The following GRIK2 variants were observed in gnomAD, a reference collection of about 807,000 sequenced individuals.
The protein encoded by GRIK2 is glutamate ionotropic receptor kainate type subunit 2, also known as glutamate receptor ionotropic, kainate 2.
A neutral mutation model predicts 100.3 loss-of-function variants in GRIK2; 32 were observed. The ratio of observed to expected loss-of-function variants is 0.32; its 90% CI spans 0.24 to 0.43. The LOEUF is 0.43. Among genes scored for constraint, GRIK2 ranks in the 20% least tolerant of loss-of-function variants. The pLI is 1.00. For missense variants in GRIK2, 843 were observed against 1,114.9 expected, an observed-to-expected ratio of 0.76 and a Z score of 3.47; for synonymous variants, 417 against 389.4, an observed-to-expected ratio of 1.07 and a Z score of -0.83.
At chr6:101,756,282 C>T (rs1390154685) in intron 7 of GRIK2, among the ~76,000 whole-genome samples, 1 of 151,726 alleles carries the variant, frequency 6.6e-6, no homozygotes, top group Admixed American at 6.6e-5. Flanking sequence ...TAATAAGAAC[C>T]AAGGGAGAAA....
chr6:101,488,567 G>C (rs1172019371), intron 2 of GRIK2, among the ~76,000 whole-genome samples: 2 of 146,518 alleles, frequency 1.4e-5, no homozygotes, highest in African/African-American at 5.2e-5. Flanking sequence ...TTGATCGATA[G>C]ATGGATGTCT....
At chr6:102,052,730 T>C (rs1015456431) in intron 15 of GRIK2, among the ~76,000 whole-genome samples, 1 of 152,286 alleles carries the variant, frequency 6.6e-6, no homozygotes, top group East Asian at 1.9e-4. Flanking sequence ...TTTTCTATAT[T>C]TGAAAGTCTA....
chr6:101,951,115 A>G (rs989943612), intron 14 of GRIK2, among the ~76,000 whole-genome samples: 2 of 152,208 alleles, frequency 1.3e-5, no homozygotes, highest in African/African-American at 4.8e-5. Flanking sequence ...GTTAGTAGAG[A>G]AATCATTGAG....
chr6:101,482,000 A>T (rs1488575735), intron 2 of GRIK2, among the ~76,000 whole-genome samples: 1 of 152,170 alleles, frequency 6.6e-6, no homozygotes, highest in African/African-American at 2.4e-5. Context: ...ACCTTGCACC[A>T]TGAATGTAAG....
chr6:101,892,064 GT>G (rs1046261616), intron 12 of GRIK2, among the ~76,000 whole-genome samples: 1 of 151,308 alleles, frequency 6.6e-6, no homozygotes, highest in African/African-American at 2.4e-5. Context: ...ATGTACCCTT[GT>G]TTTTTTTTAA....
intron 14 of GRIK2, among the ~76,000 whole-genome samples, chr6:101,930,354 ATAAAAT>A (rs1790187238): frequency 2.9e-5 from 1 of 34,650 alleles, no homozygotes; most frequent in African/African-American, 9.7e-5. Context: ...AAAAAAAAAA[ATAAAAT>A]AAAATAAAAT....
Position 101,609,942 on chromosome 6 carries a change from A to G in GRIK2, c.116-12007A>G, listed in dbSNP as rs554832478. 1.1e-3 allele frequency among the ~76,000 whole-genome samples: 171 copies of G among 151,886 alleles called. 1 individual carries two copies. Among genetic ancestry groups the G allele is most frequent in the African/African-American group, 3.7e-3 (152 of 41,518 alleles). Reference sequence around the variant, plus strand: ...GAAGATGAGGTGTTATTAATGTAATATGAATGTTAATATTTTAGCAATCTC... The same window carrying G: ...GAAGATGAGGTGTTATTAATGTAATGTGAATGTTAATATTTTAGCAATCTC... On this transcript the variant is annotated intron_variant, in intron 2 of 16. Coordinates refer to ENST00000369134, the MANE Select transcript of GRIK2 (RefSeq NM_021956.5).
chr6:102,010,413 T>C (rs1795470174), intron 14 of GRIK2, among the ~76,000 whole-genome samples: 1 of 151,332 alleles, frequency 6.6e-6, no homozygotes, highest in South Asian at 2.1e-4. Context: ...AGACAGAGTC[T>C]CACTCTGTCG....
chr6:101,814,919 A>G (rs142149897), intron 9 of GRIK2, among the ~76,000 whole-genome samples: 3 of 152,318 alleles, frequency 2.0e-5, no homozygotes, highest in East Asian at 3.9e-4. Context: ...ATACTTATAA[A>G]CACACTATGT....
At chr6:101,905,347 T>C (rs890674993) in intron 12 of GRIK2, among the ~76,000 whole-genome samples, 3 of 151,646 alleles carry the variant, frequency 2.0e-5, no homozygotes, top group African/African-American at 7.2e-5. Context: ...TGACTCCTTT[T>C]ATACAATTTC....
intron 2 of GRIK2, among the ~76,000 whole-genome samples, chr6:101,547,082 C>T (rs182964521): frequency 0.012 from 1,870 of 151,908 alleles, 42 homozygotes; most frequent in African/African-American, 0.043. Flanking sequence ...CCGCCCGCCT[C>T]GGCCTCCCAA....
chr6:101,917,926 C>T (rs146192769), intron 12 of GRIK2, among the ~76,000 whole-genome samples: 85 of 151,456 alleles, frequency 5.6e-4, no homozygotes, highest in African/African-American at 1.8e-3. Flanking sequence ...TTGTATTCCT[C>T]GTACTAGAAT....
intron 14 of GRIK2, among the ~76,000 whole-genome samples, chr6:101,960,218 AT>A (rs1225325868): frequency 3.3e-4 from 49 of 147,196 alleles, no homozygotes; most frequent in African/African-American, 1.3e-3. Flanking sequence ...ATTATCTGTA[AT>A]AATTTTTAAT....
chr6:101,847,186 T>C (rs1783862421), intron 10 of GRIK2, among the ~76,000 whole-genome samples: 2 of 152,154 alleles, frequency 1.3e-5, no homozygotes, highest in South Asian at 4.1e-4. Context: ...AGTTTTAATA[T>C]GTTCTGCTTT....
chr6:101,492,639 C>T (rs976962711), intron 2 of GRIK2, among the ~76,000 whole-genome samples: 51 of 151,768 alleles, frequency 3.4e-4, no homozygotes, highest in African/African-American at 1.1e-3. Flanking sequence ...TTGTACTTTT[C>T]CTTCCCCAGA....
At chr6:101,425,838 G>A (rs1406200886) in intron 2 of GRIK2, among the ~76,000 whole-genome samples, 4 of 152,180 alleles carry the variant, frequency 2.6e-5, no homozygotes, top group Non-Finnish European at 5.9e-5. Flanking sequence ...CCTGAGGAGA[G>A]TTCTGTCCTG....
Position 101,563,496 on chromosome 6 carries a change from T to C in GRIK2, c.116-58453T>C, listed in dbSNP as rs377066602. ...TTAACTTCAGCTGGATGCTTTCCAATGATGTACTTAGGTACTTACATAATT... is the reference window on the plus strand; with the variant it reads ...TTAACTTCAGCTGGATGCTTTCCAACGATGTACTTAGGTACTTACATAATT... On this transcript the variant is annotated intron_variant, in intron 2 of 16. Coordinates refer to ENST00000369134, the MANE Select transcript of GRIK2 (RefSeq NM_021956.5). 7.9e-5 allele frequency among the ~76,000 whole-genome samples: 12 copies of C among 152,306 alleles called. No homozygotes were observed. In the East Asian group the frequency reaches 2.1e-3, roughly 27 times the overall value.
At chr6:101,454,228 T>A (rs1770870706) in intron 2 of GRIK2, among the ~76,000 whole-genome samples, 1 of 152,132 alleles carries the variant, frequency 6.6e-6, no homozygotes, top group African/African-American at 2.4e-5. Flanking sequence ...GTTTGTTCTT[T>A]TTACTTTCCG....
intron 2 of GRIK2, among the ~76,000 whole-genome samples, chr6:101,406,010 T>G: frequency 6.6e-6 from 1 of 152,196 alleles, no homozygotes; most frequent in East Asian, 1.9e-4. Context: ...CCCATTCACA[T>G]TTCACAGTTC....
Sources: allele counts gnomAD v4.1 joint callset (sites outside exome capture counted in the v4.1 genomes callset), GRCh38; gene constraint gnomAD v4.1.1; transcripts MANE v1.5; gene names NCBI Gene and HGNC (gene_info 2026-07-23, HGNC 2026-07-21).